The following GNAO1 variants were observed in gnomAD, a reference collection of about 807,000 sequenced individuals.
GNAO1 encodes the protein G protein subunit alpha o1.
For missense variants in GNAO1, 166 were observed against 478.7 expected, an observed-to-expected ratio of 0.35 and a Z score of 6.10; for synonymous variants, 164 against 180.7, an observed-to-expected ratio of 0.91 and a Z score of 0.74.
chr16:56,194,911 A>G (rs2143282622), intron 2 of GNAO1, among the ~76,000 whole-genome samples: 1 of 152,292 alleles, frequency 6.6e-6, no homozygotes, highest in Non-Finnish European at 1.5e-5. Context: ...CTAATTATGT[A>G]CTGGGCAGGA....
intron 4 of GNAO1, among the ~76,000 whole-genome samples, chr16:56,331,351 T>C (rs2037686397): frequency 6.6e-6 from 1 of 152,156 alleles, no homozygotes; most frequent in South Asian, 2.1e-4. Flanking sequence ...CTGGTTGGCA[T>C]TGGCTTTCCT....
At chr16:56,269,492 G>A (rs1237423622) in intron 2 of GNAO1, among the ~76,000 whole-genome samples, 4 of 152,170 alleles carry the variant, frequency 2.6e-5, no homozygotes, top group Admixed American at 6.5e-5. Context: ...ACTGTGCTGG[G>A]CACTCTACAT....
intron 2 of GNAO1, among the ~76,000 whole-genome samples, chr16:56,211,009 T>A (rs1179740814): frequency 6.6e-6 from 1 of 152,210 alleles, no homozygotes; most frequent in Non-Finnish European, 1.5e-5. Context: ...AGTTAATTTG[T>A]AGATTCTAAG....
intron 6 of GNAO1, among the ~76,000 whole-genome samples, chr16:56,349,680 G>A (rs1386793572): frequency 2.6e-5 from 4 of 152,338 alleles, no homozygotes; most frequent in Admixed American, 1.3e-4. Flanking sequence ...GCAGTGCCGT[G>A]TACTACAGCT....
chr16:56,250,993 A>T (rs532026459), intron 2 of GNAO1, among the ~76,000 whole-genome samples: 5 of 152,220 alleles, frequency 3.3e-5, no homozygotes, highest in African/African-American at 1.2e-4. Context: ...GAGGTGAAAG[A>T]ATGAATATAA....
chr16:56,246,794 A>G (rs1023039819), intron 2 of GNAO1, among the ~76,000 whole-genome samples: 2 of 152,038 alleles, frequency 1.3e-5, no homozygotes, highest in Non-Finnish European at 2.9e-5. Flanking sequence ...ACCCTTTCCC[A>G]GAATGCCTCT....
intron 6 of GNAO1, chr16:56,345,532 C>G (rs772042740): frequency 6.1e-6 from 6 of 984,278 alleles, no homozygotes; most frequent in Non-Finnish European, 6.0e-6. Flanking sequence ...CAGGAACCTT[C>G]CCTAGTGCCA....
intron 2 of GNAO1, among the ~76,000 whole-genome samples, chr16:56,266,733 G>C (rs1233135743): frequency 5.9e-5 from 9 of 152,302 alleles, no homozygotes; most frequent in African/African-American, 2.2e-4. Context: ...TGAAGGACAA[G>C]ATCATTGTCC....
chr16:56,330,990 C>T (rs1465057218), intron 4 of GNAO1, among the ~76,000 whole-genome samples: 1 of 152,224 alleles, frequency 6.6e-6, no homozygotes, highest in Non-Finnish European at 1.5e-5. Context: ...GGGCCTGGCA[C>T]ATTTCCTGTC....
intron 2 of GNAO1, among the ~76,000 whole-genome samples, chr16:56,231,850 G>T (rs762894160): frequency 6.6e-6 from 1 of 152,162 alleles, no homozygotes; most frequent in African/African-American, 2.4e-5. Context: ...TCTCCACCTG[G>T]CAGGATAGGG....
At chr16:56,306,522 G>C (rs1277613479) in intron 3 of GNAO1, among the ~76,000 whole-genome samples, 2 of 152,196 alleles carry the variant, frequency 1.3e-5, no homozygotes, top group Non-Finnish European at 2.9e-5. Context: ...CCTGAGATCA[G>C]TGTTTCTTCA....
At chr16:56,344,050 G>C in intron 6 of GNAO1, 1 of 1,536,074 alleles carries the variant, frequency 6.5e-7, no homozygotes, top group African/African-American at 1.4e-5. Context: ...TTGCACTTGA[G>C]GAAGAAGACC....
chr16:56,255,628 TG>T (rs1372854308), intron 2 of GNAO1: 2 of 152,186 alleles, frequency 1.3e-5, no homozygotes, highest in Non-Finnish European at 2.9e-5. Flanking sequence ...TCGTCCTTCC[TG>T]GAACTGTGTG....
intron 6 of GNAO1, among the ~76,000 whole-genome samples, chr16:56,350,815 G>A (rs1459949765): frequency 6.6e-6 from 1 of 152,234 alleles, no homozygotes; most frequent in East Asian, 1.9e-4. Flanking sequence ...CCCTACCCAG[G>A]ATGGGCCCAG....
chr16:56,336,883 G>T (rs1321212370), intron 6 of GNAO1, 23 bp downstream of exon 6: 3 of 1,597,686 alleles, frequency 1.9e-6, no homozygotes, highest in Non-Finnish European at 1.7e-6. Context: ...GGCCCCCCGG[G>T]CAGGGGGCAG....
At chr16:56,227,712 A>AAAAG (rs869037372) in intron 2 of GNAO1, among the ~76,000 whole-genome samples, 1 of 148,154 alleles carries the variant, frequency 6.7e-6, no homozygotes, top group African/African-American at 2.5e-5. Context: ...AAAAAAAAAA[A>AAAAG]GAATTATGGT....
intron 2 of GNAO1, among the ~76,000 whole-genome samples, chr16:56,204,423 T>G (rs2036307097): frequency 1.3e-5 from 2 of 152,014 alleles, no homozygotes; most frequent in Non-Finnish European, 1.5e-5. Flanking sequence ...AGCATACATA[T>G]GGCCAGGAGA....
At chr16:56,329,900 C>T (rs1380270205) in intron 4 of GNAO1, among the ~76,000 whole-genome samples, 1 of 152,188 alleles carries the variant, frequency 6.6e-6, no homozygotes, top group South Asian at 2.1e-4. Flanking sequence ...GTTAAACACC[C>T]CATAGTGTGC....
intron 2 of GNAO1, among the ~76,000 whole-genome samples, chr16:56,218,457 T>C (rs1222517623): frequency 2.0e-5 from 3 of 152,102 alleles, no homozygotes; most frequent in Non-Finnish European, 4.4e-5. Flanking sequence ...GGAGAGATTT[T>C]CGGCAGATAA....
Sources: allele counts gnomAD v4.1 joint callset (sites outside exome capture counted in the v4.1 genomes callset), GRCh38; gene constraint gnomAD v4.1.1; transcripts MANE v1.5; gene names NCBI Gene and HGNC (gene_info 2026-07-23, HGNC 2026-07-21).